FEZ1: variants seen among roughly 807,000 people sequenced by gnomAD.
FEZ1 encodes the protein fasciculation and elongation protein zeta 1, also known as fasciculation and elongation protein zeta-1.
A neutral mutation model predicts 49.3 loss-of-function variants in FEZ1; 20 were observed. The observed-to-expected ratio is 0.41, with a 90% CI of 0.29 to 0.59. The LOEUF (loss-of-function observed/expected upper bound fraction) is 0.59, where lower values mean the gene tolerates loss of function less well. Among genes scored for constraint, FEZ1 ranks in the 20% least tolerant of loss-of-function variants. The probability of loss-of-function intolerance (pLI) is 0.36; values close to 1 mark genes in which losing one functional copy is unlikely to be tolerated. For synonymous variants in FEZ1, 170 were observed against 180.9 expected (o/e 0.94, Z 0.48); for missense variants, 413 against 476.0 (o/e 0.87, Z 1.23).
At chr11:125,484,683 A>G (rs1165395702) in intron 2 of FEZ1, among the ~76,000 whole-genome samples, 1 of 151,726 alleles carries the variant, frequency 6.6e-6, no homozygotes, top group Admixed American at 6.6e-5. Flanking sequence ...AAAAAAAAGA[A>G]GAAAAGAAAA....
chr11:125,491,473 T>A (rs1418957173), intron 1 of FEZ1, among the ~76,000 whole-genome samples: 1 of 152,186 alleles, frequency 6.6e-6, no homozygotes, highest in Non-Finnish European at 1.5e-5. Flanking sequence ...CACATACAGT[T>A]TTCCATTTTC....
intron 3 of FEZ1, among the ~76,000 whole-genome samples, chr11:125,481,234 A>T (rs990996291): frequency 6.6e-6 from 1 of 151,588 alleles, no homozygotes. Flanking sequence ...TTTTAATTGA[A>T]CCTCCTAGGC....
intron 3 of FEZ1, among the ~76,000 whole-genome samples, chr11:125,469,920 G>A (rs965394852): frequency 2.0e-5 from 3 of 151,784 alleles, no homozygotes; most frequent in Non-Finnish European, 4.4e-5. Context: ...GAGTTGTAGA[G>A]ATGGGGCTGG....
chr11:125,460,357 G>A (rs1222148537), intron 5 of FEZ1, 141 bp downstream of exon 5: 2 of 615,710 alleles, frequency 3.2e-6, no homozygotes, highest in Non-Finnish European at 5.3e-6. Flanking sequence ...GAGTAAGAAA[G>A]GTATTGCTGA....
intron 2 of FEZ1, among the ~76,000 whole-genome samples, chr11:125,483,507 C>T (rs1054092437): frequency 5.3e-5 from 8 of 152,200 alleles, no homozygotes; most frequent in African/African-American, 1.9e-4. Flanking sequence ...ATTAGAGCTG[C>T]ATTAATCCAG....
intron 4 of FEZ1, among the ~76,000 whole-genome samples, chr11:125,461,760 C>G (rs554291543): frequency 5.6e-4 from 85 of 152,344 alleles, no homozygotes; most frequent in Admixed American, 5.6e-3. Context: ...CCGAGGCCAG[C>G]ATTGTACTCT....
In FEZ1 at chr11:125,489,893, C is replaced by CT; in HGVS notation, c.-45-72_-45-71insA. The CT allele has an allele frequency of 7.7e-7, 1 of 1,304,926 alleles. No homozygotes were observed. 80.8% of individuals were successfully genotyped at this position (1,304,926 alleles called of 1,614,324 possible). ...TAAATAATAGAGTTAACTTTAGAGA[C>CT]ACACCTGCTTCCAATTCCCTACTCC... On this transcript the variant is annotated intron_variant, in intron 1 of 9. Transcript: ENST00000278919. This position sits in a 1 kb window ranked among gnomAD's most constrained non-coding sequence, Gnocchi z 4.2.
chr11:125,468,306 T>G (rs1957152508), intron 3 of FEZ1, among the ~76,000 whole-genome samples: 1 of 152,068 alleles, frequency 6.6e-6, no homozygotes. Flanking sequence ...GCCTCCCAAG[T>G]AGCTAGGAAC....
chr11:125,457,799 A>T (rs1311633012), intron 5 of FEZ1, among the ~76,000 whole-genome samples: 1 of 151,962 alleles, frequency 6.6e-6, no homozygotes, highest in Non-Finnish European at 1.5e-5. Context: ...TCTTTTAGTT[A>T]TTTTCAAATG....
intron 1 of FEZ1, among the ~76,000 whole-genome samples, chr11:125,493,477 AGAAGGAAAGAAG>A (rs1565307195): frequency 0.044 from 3,552 of 81,034 alleles, 388 homozygotes; most frequent in African/African-American, 0.049. Context: ...AAAGAAGGAA[AGAAGGAAAGAAG>A]GAAAGAAAGA....
intron 1 of FEZ1, among the ~76,000 whole-genome samples, chr11:125,493,617 G>A (rs1054309209): frequency 6.6e-6 from 1 of 152,204 alleles, no homozygotes; most frequent in African/African-American, 2.4e-5. Flanking sequence ...TCTGTGCAAT[G>A]CTTCAATATG....
Position 125,489,759 on chromosome 11 carries a change from T to C in FEZ1, c.19A>G (p.Ser7Gly), listed in dbSNP as rs1957364312. 1 of 1,547,648 alleles carries C rather than the reference T, an allele frequency of 6.5e-7. No homozygotes were observed. The highest frequency in any genetic ancestry group is 1.4e-5 in the African/African-American group (1 of 72,616). The change falls in exon 2 of 10, where the codon AGT becomes GGT. Residue 7 changes from serine to glycine, a missense_variant. Ser to Gly is a moderately conservative substitution (Grantham distance 56). Transcript: ENST00000278919. This position sits in a 1 kb window ranked among gnomAD's most constrained non-coding sequence, Gnocchi z 4.2. MEAPLVSLDEEFEDLRP... is the reference protein window; with the variant it reads MEAPLVGLDEEFEDLRP... ...AGGTCCTCAAACTCTTCATCCAGAC[T>C]CACCAGTGGGGCCTCCATTCTTGCT... is the stretch of plus-strand genomic sequence containing the variant.
At chr11:125,459,390 G>A (rs1957051157) in intron 5 of FEZ1, among the ~76,000 whole-genome samples, 1 of 152,002 alleles carries the variant, frequency 6.6e-6, no homozygotes, top group South Asian at 2.1e-4. Context: ...TCAGGAGTTT[G>A]AGAACAGCCT....
chr11:125,461,216 C>T (rs1957071367), intron 4 of FEZ1, among the ~76,000 whole-genome samples: 1 of 152,140 alleles, frequency 6.6e-6, no homozygotes, highest in Non-Finnish European at 1.5e-5. Context: ...GTCTAGAGAG[C>T]AGCAAATAGA....
rs200099251 is a variant in FEZ1, at chr11:125,454,091, G to C, written c.1020+39C>G. The C allele has an allele frequency of 2.3e-5, 34 of 1,490,886 alleles. No homozygotes were observed. The East Asian group carries it at 7.1e-4, about 31-fold the overall frequency. 92.4% of individuals were successfully genotyped at this position (1,490,886 alleles called of 1,614,324 possible). A position where few individuals can be genotyped will look rare whatever the true frequency, so the allele number is the denominator to read the frequency against. ...TTGCTGGGGAGGCCAAGCTGCAGGA[G>C]TCTAGGAAGAGAGCTTGGAGCAGGG... On this transcript the variant is annotated intron_variant, in intron 7 of 9. Transcript: ENST00000278919.
intron 6 of FEZ1, among the ~76,000 whole-genome samples, chr11:125,454,556 A>G (rs112762217): frequency 2.0e-4 from 31 of 152,336 alleles, no homozygotes; most frequent in African/African-American, 7.5e-4. Context: ...GGGAAAACAA[A>G]ATGTTCAGCT....
At chr11:125,481,412 G>C in intron 3 of FEZ1, 122 bp downstream of exon 3, 1 of 766,482 alleles carries the variant, frequency 1.3e-6, no homozygotes, top group Non-Finnish European at 2.4e-6. Context: ...GTCTCCCAAA[G>C]CTGAGATTAC....
chr11:125,485,935 G>A (rs1358913417), intron 2 of FEZ1, among the ~76,000 whole-genome samples: 1 of 152,198 alleles, frequency 6.6e-6, no homozygotes, highest in Non-Finnish European at 1.5e-5. Flanking sequence ...AACAGAGTGA[G>A]ACTCTGTCTC....
rs1030772320 is a variant in FEZ1, at chr11:125,443,826, C to T, written c.*2269G>A. Among the ~76,000 whole-genome samples the T allele has an allele frequency of 6.6e-6, 1 of 152,132 alleles. No homozygotes were observed. The highest frequency in any genetic ancestry group is 1.5e-5 in the Non-Finnish European group (1 of 68,026). On this transcript the variant is annotated 3_prime_UTR_variant, in exon 10 of 10. Coordinates refer to ENST00000278919, the MANE Select transcript of FEZ1 (RefSeq NM_005103.5). ...ACCTCCTCCTAGCCAGAGTGTATCC[C>T]CAACACTCGAGATTTATTTTTAACT...
Sources: gnomAD v4.1 joint callset for allele counts (sites outside exome capture counted in the v4.1 genomes callset) on GRCh38, gnomAD v4.1.1 for gene constraint, Gnocchi (gnomAD v3.1) non-coding constraint, MANE v1.5 for transcripts, NCBI Gene and HGNC (gene_info 2026-07-23, HGNC 2026-07-21) for gene names.